L3MBTL4: variants seen among roughly 807,000 people sequenced by gnomAD.
The protein encoded by L3MBTL4 is lethal(3)malignant brain tumor-like protein 4.
A neutral mutation model predicts 84.5 loss-of-function variants in L3MBTL4; 70 were observed. The ratio of observed to expected loss-of-function variants is 0.83; its 90% CI spans 0.68 to 1.01. The LOEUF (loss-of-function observed/expected upper bound fraction) is 1.01. Ranked by LOEUF, L3MBTL4 falls within the 50% of genes least tolerant of loss-of-function variation. L3MBTL4 has a pLI of 0.00. For synonymous variants in L3MBTL4, 274 were observed against 259.8 expected (o/e 1.05, Z -0.52); for missense variants, 715 against 754.8 (o/e 0.95, Z 0.62).
chr18:6,252,355 G>A (rs2047960087), intron 5 of L3MBTL4, among the ~76,000 whole-genome samples: 2 of 152,216 alleles, frequency 1.3e-5, no homozygotes, highest in African/African-American at 2.4e-5. Context: ...ATCTGCCGAG[G>A]CAGAATGACA....
At chr18:6,331,643 T>C (rs148265789) in intron 1 of L3MBTL4, among the ~76,000 whole-genome samples, 36 of 152,124 alleles carry the variant, frequency 2.4e-4, no homozygotes, top group African/African-American at 7.7e-4. Context: ...ATGTATAAAC[T>C]CGTGAGGAAA....
At chr18:6,071,041 G>A (rs989431942) in intron 16 of L3MBTL4, among the ~76,000 whole-genome samples, 1 of 151,990 alleles carries the variant, frequency 6.6e-6, no homozygotes, top group Non-Finnish European at 1.5e-5. Context: ...AAAAGATACA[G>A]CAAAAATATA....
intron 1 of L3MBTL4, among the ~76,000 whole-genome samples, chr18:6,355,450 A>G (rs1446155669): frequency 1.3e-5 from 2 of 152,254 alleles, no homozygotes; most frequent in East Asian, 3.9e-4. Flanking sequence ...TTTGGAAAAG[A>G]AAAACCTGAA....
At chr18:6,112,629 A>G (rs2059229616) in intron 14 of L3MBTL4, among the ~76,000 whole-genome samples, 1 of 152,192 alleles carries the variant, frequency 6.6e-6, no homozygotes, top group African/African-American at 2.4e-5. Context: ...CAGATTCTGA[A>G]CCTGAAATTG....
At chr18:6,069,367 A>G (rs971072748) in intron 16 of L3MBTL4, among the ~76,000 whole-genome samples, 1 of 152,048 alleles carries the variant, frequency 6.6e-6, no homozygotes, top group Admixed American at 6.6e-5. Context: ...CATTTGCAAA[A>G]GAGCAACCAG....
At chr18:6,116,428 A>G (rs2144212054) in intron 14 of L3MBTL4, among the ~76,000 whole-genome samples, 1 of 147,486 alleles carries the variant, frequency 6.8e-6, no homozygotes, top group South Asian at 2.1e-4. Flanking sequence ...GTGGCACACG[A>G]TCTCAGTTCA....
chr18:6,172,004 A>C, intron 12 of L3MBTL4, 62 bp from the exon 13 acceptor site: 1 of 749,948 alleles, frequency 1.3e-6, no homozygotes, highest in Non-Finnish European at 2.2e-6. Flanking sequence ...TTCCTGTATC[A>C]AAATATTTGA....
At chr18:6,191,700 G>A (rs1299773189) in intron 12 of L3MBTL4, among the ~76,000 whole-genome samples, 1 of 152,134 alleles carries the variant, frequency 6.6e-6, no homozygotes, top group South Asian at 2.1e-4. Context: ...GATATGACTC[G>A]GCATTGGGCT....
rs570788229 is a variant in L3MBTL4 at position 6,209,786 on chromosome 18, A to C, written c.981+3363T>G. On this transcript the variant is annotated intron_variant, in intron 12 of 18. Coordinates refer to ENST00000317931, the MANE Select transcript of L3MBTL4 (RefSeq NM_001330559.2). ...GAGATAAATAAAATGTGGTATATCC[A>C]TACAATGGCTATTATTCAGAAATAA... Among the ~76,000 whole-genome samples the C allele has an allele frequency of 3.3e-5, 5 of 152,384 alleles. No homozygotes were observed. The South Asian group carries it at 1.0e-3, about 32-fold the overall frequency.
intron 13 of L3MBTL4, among the ~76,000 whole-genome samples, chr18:6,150,645 C>A (rs953961450): frequency 6.6e-6 from 1 of 152,106 alleles, no homozygotes; most frequent in African/African-American, 2.4e-5. Flanking sequence ...GTAAAAGGAG[C>A]AAATTGCCTT....
intron 16 of L3MBTL4, among the ~76,000 whole-genome samples, chr18:6,015,891 C>T (rs1291182453): frequency 1.9e-4 from 29 of 152,286 alleles, no homozygotes; most frequent in African/African-American, 6.3e-4. Context: ...ATCCGGGACG[C>T]GGAGGTTGCA....
chr18:5,978,476 C>G (rs549261791), intron 16 of L3MBTL4, among the ~76,000 whole-genome samples: 26 of 152,294 alleles, frequency 1.7e-4, no homozygotes, highest in African/African-American at 5.8e-4. Context: ...TATTTTTAGA[C>G]CTTTACTGGC....
At chr18:6,252,316 A>C (rs1003513328) in intron 5 of L3MBTL4, among the ~76,000 whole-genome samples, 1 of 152,226 alleles carries the variant, frequency 6.6e-6, no homozygotes, top group African/African-American at 2.4e-5. Flanking sequence ...CTGTCTCAGA[A>C]AAAAGAAAAA....
intron 14 of L3MBTL4, among the ~76,000 whole-genome samples, chr18:6,133,309 C>T (rs1433406091): frequency 1.3e-5 from 2 of 150,672 alleles, no homozygotes; most frequent in East Asian, 1.9e-4. Context: ...TAACGAGTAC[C>T]ATAGTGGGTG....
chr18:6,334,863 G>A (rs1029977775), intron 1 of L3MBTL4, among the ~76,000 whole-genome samples: 3 of 151,956 alleles, frequency 2.0e-5, no homozygotes, highest in African/African-American at 7.3e-5. Flanking sequence ...TCTTTGCTCT[G>A]TCAAATCTGT....
intron 1 of L3MBTL4, among the ~76,000 whole-genome samples, chr18:6,336,841 G>C (rs2052363327): frequency 6.6e-6 from 1 of 152,138 alleles, no homozygotes. Context: ...AACTAGAACA[G>C]ATCCATAGGT....
chr18:6,093,558 A>ATC, intron 14 of L3MBTL4, 30 bp from the exon 15 acceptor site: 1 of 1,596,934 alleles, frequency 6.3e-7, no homozygotes, highest in Non-Finnish European at 8.5e-7. Context: ...GAGCACAGTC[A>ATC]TCAGTATACA....
At chr18:6,077,581 A>G (rs547197464) in intron 16 of L3MBTL4, among the ~76,000 whole-genome samples, 180 of 152,324 alleles carry the variant, frequency 1.2e-3, no homozygotes, top group Admixed American at 2.2e-3. Flanking sequence ...TTTCCAGTGA[A>G]AATGGAAAAC....
intron 10 of L3MBTL4, among the ~76,000 whole-genome samples, chr18:6,229,971 A>C (rs532083715): frequency 2.0e-5 from 3 of 152,182 alleles, no homozygotes; most frequent in African/African-American, 7.2e-5. Context: ...CTTGAGAGTC[A>C]ATATAAATTT....
Sources: gnomAD v4.1 joint callset for allele counts (sites outside exome capture counted in the v4.1 genomes callset) on GRCh38, gnomAD v4.1.1 for gene constraint, MANE v1.5 for transcripts, NCBI Gene and HGNC (gene_info 2026-07-23, HGNC 2026-07-21) for gene names.